The following PIK3C2A variants were observed in gnomAD, a reference collection of about 807,000 sequenced individuals.
PIK3C2A encodes phosphatidylinositol-4-phosphate 3-kinase catalytic subunit type 2 alpha, also known as phosphatidylinositol 4-phosphate 3-kinase C2 domain-containing subunit alpha.
A neutral mutation model predicts 204.5 loss-of-function variants in PIK3C2A; 97 were observed. The observed-to-expected ratio is 0.47, with a 90% CI of 0.40 to 0.56. The LOEUF is 0.56. Among genes scored for constraint, PIK3C2A ranks in the 20% least tolerant of loss-of-function variants. The probability of loss-of-function intolerance (pLI) is 0.00; values close to 1 mark genes in which losing one functional copy is unlikely to be tolerated. For missense variants in PIK3C2A, 1,735 were observed against 1,969.2 expected (o/e 0.88, Z 2.25); for synonymous variants, 653 against 664.4 (o/e 0.98, Z 0.26).
Position 17,202,573 on chromosome 11 carries a change from CA to C in PIK3C2A, c.-66+5274del, listed in dbSNP as rs201496259. 8.1e-3 allele frequency among the ~76,000 whole-genome samples: 1,116 copies of C among 138,604 alleles called. 17 individuals carry two copies. Among genetic ancestry groups the C allele is most frequent in the African/African-American group, 0.023 (885 of 38,014 alleles). The allele number at this position is 138,604 out of a possible 152,430, so 90.9% of individuals were successfully genotyped here. A position where few individuals can be genotyped will look rare whatever the true frequency, so the allele number is the denominator to read the frequency against. On this transcript the variant is annotated intron_variant, in intron 1 of 32. Coordinates refer to ENST00000691414, the MANE Select transcript of PIK3C2A (RefSeq NM_002645.4). Reference sequence around the variant, plus strand: ...TGAGCGACACAGAGAGAACCTCCCTCAAAAAAAAAAAAGAACAGAACACTGG... The same window carrying C: ...TGAGCGACACAGAGAGAACCTCCCTCAAAAAAAAAAAGAACAGAACACTGG...
At chr11:17,108,923 G>A (rs536804559) in intron 22 of PIK3C2A, among the ~76,000 whole-genome samples, 162 of 152,292 alleles carry the variant, frequency 1.1e-3, no homozygotes, top group African/African-American at 3.7e-3. Flanking sequence ...GGGTGAAGAT[G>A]GATTTAACTT....
At chr11:17,192,846 G>T (rs1404737957) in intron 1 of PIK3C2A, among the ~76,000 whole-genome samples, 1 of 152,218 alleles carries the variant, frequency 6.6e-6, no homozygotes, top group Non-Finnish European at 1.5e-5. Context: ...TGGTAACTAT[G>T]AAAACAACTA....
intron 8 of PIK3C2A, 62 bp downstream of exon 8, chr11:17,145,606 T>C: frequency 1.1e-6 from 1 of 950,448 alleles, no homozygotes; most frequent in South Asian, 1.4e-5. Flanking sequence ...ACACTACCAT[T>C]TAAGAGAAAG....
At chr11:17,193,480 G>T in intron 1 of PIK3C2A, 1 of 435,966 alleles carries the variant, frequency 2.3e-6, no homozygotes, top group Non-Finnish European at 4.6e-6. Context: ...CATGGCTTAG[G>T]GTGCAGACAT....
At chr11:17,116,932 T>C (rs748025376) in intron 19 of PIK3C2A, among the ~76,000 whole-genome samples, 3 of 152,152 alleles carry the variant, frequency 2.0e-5, no homozygotes, top group Admixed American at 6.5e-5. Context: ...ACAACCCAAA[T>C]GTCCACCAAC....
At chr11:17,157,181 A>G (rs900715669) in intron 2 of PIK3C2A, among the ~76,000 whole-genome samples, 22 of 152,058 alleles carry the variant, frequency 1.4e-4, no homozygotes, top group Non-Finnish European at 2.6e-4. Flanking sequence ...TCTAGTCAAC[A>G]CCAATTGCAA....
chr11:17,167,720 C>T (rs1449971143), intron 2 of PIK3C2A, among the ~76,000 whole-genome samples: 1 of 152,182 alleles, frequency 6.6e-6, no homozygotes, highest in Admixed American at 6.5e-5. Flanking sequence ...TGCTAGTTAA[C>T]TCCCAATGAT....
At chr11:17,095,458 G>A (rs1848426714) in intron 27 of PIK3C2A, among the ~76,000 whole-genome samples, 1 of 150,916 alleles carries the variant, frequency 6.6e-6, no homozygotes, top group African/African-American at 2.4e-5. Flanking sequence ...GGGCGTGGTG[G>A]TGGGTACCTG....
intron 1 of PIK3C2A, among the ~76,000 whole-genome samples, chr11:17,185,484 C>T (rs1345816692): frequency 6.6e-6 from 1 of 152,050 alleles, no homozygotes; most frequent in East Asian, 1.9e-4. Flanking sequence ...TGGTACTATC[C>T]GAAGTTTTAG....
chr11:17,155,383 T>C, intron 3 of PIK3C2A, 143 bp downstream of exon 3: 1 of 540,458 alleles, frequency 1.9e-6, no homozygotes, highest in South Asian at 3.1e-5. Flanking sequence ...TGGTTTGTGA[T>C]AACGTGCCAA....
chr11:17,092,723 G>A (rs887041853), intron 28 of PIK3C2A, among the ~76,000 whole-genome samples: 5 of 152,102 alleles, frequency 3.3e-5, no homozygotes, highest in African/African-American at 4.8e-5. Flanking sequence ...AGATGACATC[G>A]TTCAGTCACC....
intron 17 of PIK3C2A, among the ~76,000 whole-genome samples, 192 bp downstream of exon 17, chr11:17,119,028 T>C (rs565174307): frequency 2.2e-4 from 34 of 152,330 alleles, no homozygotes; most frequent in African/African-American, 7.9e-4. Context: ...TACAGGTGCC[T>C]ATATACAATA....
chr11:17,117,154 G>A (rs1195689766), intron 19 of PIK3C2A, among the ~76,000 whole-genome samples: 6 of 152,168 alleles, frequency 3.9e-5, no homozygotes, highest in Non-Finnish European at 8.8e-5. Context: ...TAGTGGCTGG[G>A]AGGGGAAAAT....
At chr11:17,101,893 G>A (rs998682532) in intron 24 of PIK3C2A, among the ~76,000 whole-genome samples, 61 of 151,878 alleles carry the variant, frequency 4.0e-4, no homozygotes, top group Non-Finnish European at 7.4e-4. Context: ...GTGAGCCACT[G>A]CACCCGGCCT....
At chr11:17,114,541 T>A (rs1426465137) in intron 19 of PIK3C2A, 76 bp from the exon 20 acceptor site, 1 of 684,688 alleles carries the variant, frequency 1.5e-6, no homozygotes, top group Non-Finnish European at 2.6e-6. Flanking sequence ...ATGCTGTGGA[T>A]ACAATTTATA....
At chr11:17,207,666 GA>G (rs1852634573) in intron 1 of PIK3C2A, among the ~76,000 whole-genome samples, 181 bp downstream of exon 1, 1 of 152,124 alleles carries the variant, frequency 6.6e-6, no homozygotes, top group Non-Finnish European at 1.5e-5. Context: ...GCAAGGCCCG[GA>G]GGGAGGGGGG....
At position 17,196,897 on chromosome 11, in the gene PIK3C2A, G is replaced by C. The variant is rs554843042; in HGVS notation, c.-66+10951C>G. Among the ~76,000 whole-genome samples, 9 of 152,038 alleles carry C rather than the reference G, an allele frequency of 5.9e-5. No individual in the cohort carries two copies. The South Asian group carries it at 1.9e-3, about 32-fold the overall frequency. On this transcript the variant is annotated intron_variant, in intron 1 of 32. Transcript: ENST00000691414. ...CCCGGCAAGGATACAATTTTCAATA[G>C]GGTAGTCAGGGAAAAAAAAATTGGA...
At chr11:17,161,433 TAGAA>T (rs1850772215) in intron 2 of PIK3C2A, among the ~76,000 whole-genome samples, 1 of 152,210 alleles carries the variant, frequency 6.6e-6, no homozygotes, top group Admixed American at 6.5e-5. Flanking sequence ...AATTAACTTT[TAGAA>T]AGAGTTTACA....
At position 17,112,681 on chromosome 11, in the gene PIK3C2A, T is replaced by C. The variant is rs759628072; in HGVS notation, c.3322-15A>G. 4.5e-6 allele frequency: 6 copies of C among 1,328,660 alleles called. No individual in the cohort carries two copies. In the African/African-American group the frequency reaches 4.5e-5, roughly 10 times the overall value. The allele number at this position is 1,328,660 out of a possible 1,614,324, so 82.3% of individuals were successfully genotyped here. A position where few individuals can be genotyped will look rare whatever the true frequency, so the allele number is the denominator to read the frequency against. On this transcript the variant is annotated splice_polypyrimidine_tract_variant and intron_variant, in intron 20 of 32. Transcript: ENST00000691414. The stretch of plus-strand genomic sequence containing the variant: ...AAGGAACACGACTGCAAATACAACA[T>C]GTTAAGCATTAGAAAGATAAATGAA...
Sources: allele counts gnomAD v4.1 joint callset (sites outside exome capture counted in the v4.1 genomes callset), GRCh38; gene constraint gnomAD v4.1.1; transcripts MANE v1.5; gene names NCBI Gene and HGNC (gene_info 2026-07-23, HGNC 2026-07-21).